Variants in BBX observed in about 807,000 individuals in gnomAD.
BBX encodes HMG box transcription factor BBX.
A neutral mutation model predicts 100.2 loss-of-function variants in BBX; 30 were observed. The ratio of observed to expected loss-of-function variants is 0.30; its 90% CI spans 0.22 to 0.41. The LOEUF is 0.41. Among genes scored for constraint, BBX ranks in the 10% least tolerant of loss-of-function variants. The pLI is 1.00. For synonymous variants in BBX, 376 were observed against 388.1 expected (o/e 0.97, Z 0.37); for missense variants, 1,023 against 1,129.8 (o/e 0.91, Z 1.35).
At chr3:107,622,833 C>T (rs1337198109) in intron 2 of BBX, among the ~76,000 whole-genome samples, 1 of 152,190 alleles carries the variant, frequency 6.6e-6, no homozygotes, top group East Asian at 1.9e-4. Flanking sequence ...TCAGTCAACT[C>T]AGTTAATTTC....
At chr3:107,641,036 C>A (rs566099130) in intron 2 of BBX, among the ~76,000 whole-genome samples, 95 of 151,830 alleles carry the variant, frequency 6.3e-4, no homozygotes, top group Middle Eastern at 3.4e-3. Flanking sequence ...ACATCATTTG[C>A]CTTGCTATTC....
chr3:107,754,791 A>G (rs1405185180), intron 9 of BBX, among the ~76,000 whole-genome samples: 1 of 152,256 alleles, frequency 6.6e-6, no homozygotes, highest in Non-Finnish European at 1.5e-5. Flanking sequence ...TAACAATGAC[A>G]GAACTTCAGG....
intron 2 of BBX, among the ~76,000 whole-genome samples, chr3:107,556,831 A>G (rs934211959): frequency 6.6e-6 from 1 of 152,076 alleles, no homozygotes; most frequent in African/African-American, 2.4e-5. Flanking sequence ...TACTTCATGC[A>G]TTTTTCTACT....
At position 107,625,405 on chromosome 3, in the gene BBX, G is replaced by GT. The variant is rs372072890; in HGVS notation, c.-83-20430dup. Among the ~76,000 whole-genome samples, 158 of 152,278 alleles carry GT rather than the reference G, an allele frequency of 1.0e-3. 1 individual carries two copies. Among genetic ancestry groups the GT allele is most frequent in the African/African-American group, 3.7e-3 (152 of 41,556 alleles). ...CGATTCTCTTGCCTCAGCCACCTGA[G>GT]TAGCTGGCATTACAGGCATGCGCCA... On this transcript the variant is annotated intron_variant, in intron 2 of 17. Coordinates refer to ENST00000325805, the MANE Select transcript of BBX (RefSeq NM_001142568.3).
intron 17 of BBX, among the ~76,000 whole-genome samples, chr3:107,803,976 A>G (rs1218985379): frequency 7.3e-6 from 1 of 136,400 alleles, no homozygotes; most frequent in African/African-American, 2.7e-5. Flanking sequence ...CTTTTCTAAT[A>G]CTTATTAAAA....
chr3:107,777,249 G>T (rs920120708), intron 12 of BBX, among the ~76,000 whole-genome samples: 1 of 152,106 alleles, frequency 6.6e-6, no homozygotes, highest in African/African-American at 2.4e-5. Context: ...TCTACTGGGG[G>T]ACTTGGAGTA....
chr3:107,549,023 A>G (rs77351050), intron 2 of BBX, among the ~76,000 whole-genome samples: 7,554 of 152,260 alleles, frequency 0.05, 297 homozygotes, highest in Non-Finnish European at 0.062. Flanking sequence ...CATGGGCTGA[A>G]AAACTAACCA....
At chr3:107,611,177 A>T (rs913089462) in intron 2 of BBX, among the ~76,000 whole-genome samples, 1 of 152,088 alleles carries the variant, frequency 6.6e-6, no homozygotes, top group Non-Finnish European at 1.5e-5. Context: ...TGCTTTTTGT[A>T]TTTATATCTT....
chr3:107,795,321 A>G (rs914627292), intron 15 of BBX, among the ~76,000 whole-genome samples: 1 of 152,052 alleles, frequency 6.6e-6, no homozygotes, highest in East Asian at 1.9e-4. Context: ...TGCCTTCCCT[A>G]ATTCTTCTGT....
chr3:107,728,690 A>T, intron 5 of BBX, 75 bp from the exon 6 acceptor site: 1 of 1,319,374 alleles, frequency 7.6e-7, no homozygotes. Flanking sequence ...TAAATAGGGG[A>T]ATGGGGTGAC....
chr3:107,692,705 A>G (rs1341594554), intron 3 of BBX, among the ~76,000 whole-genome samples: 2 of 150,150 alleles, frequency 1.3e-5, no homozygotes, highest in East Asian at 2.1e-4. Flanking sequence ...TCCTTTGGGT[A>G]TATACCCAGT....
intron 3 of BBX, among the ~76,000 whole-genome samples, chr3:107,695,950 A>ATGGCCT (rs1476027593): frequency 6.6e-6 from 1 of 151,858 alleles, no homozygotes; most frequent in African/African-American, 2.4e-5. Flanking sequence ...CCATTAAGTA[A>ATGGCCT]TGGCCTTCTT....
chr3:107,657,165 T>G (rs2058193648), intron 3 of BBX: 1 of 152,184 alleles, frequency 6.6e-6, no homozygotes, highest in Admixed American at 6.5e-5. Flanking sequence ...GCTTTACTAT[T>G]ATCCTAGGTA....
intron 3 of BBX, among the ~76,000 whole-genome samples, chr3:107,700,485 C>T (rs902244134): frequency 1.3e-5 from 2 of 149,330 alleles, no homozygotes; most frequent in Non-Finnish European, 3.0e-5. Context: ...ATGTGCACAA[C>T]GTCCAGGTTT....
At chr3:107,633,302 T>C (rs1416949874) in intron 2 of BBX, among the ~76,000 whole-genome samples, 2 of 152,098 alleles carry the variant, frequency 1.3e-5, no homozygotes, top group Non-Finnish European at 2.9e-5. Flanking sequence ...ATATAATAGT[T>C]GAATTATATT....
intron 2 of BBX, among the ~76,000 whole-genome samples, chr3:107,570,796 T>C (rs1471573132): frequency 6.6e-6 from 1 of 151,784 alleles, no homozygotes; most frequent in Non-Finnish European, 1.5e-5. Flanking sequence ...CTCAAGAGTT[T>C]GGGGTGGAGA....
chr3:107,787,221 T>A (rs2068521345), intron 13 of BBX, among the ~76,000 whole-genome samples: 2 of 152,142 alleles, frequency 1.3e-5, no homozygotes. Flanking sequence ...GGTCTTGATC[T>A]CTTGATGTCG....
intron 17 of BBX, among the ~76,000 whole-genome samples, chr3:107,804,270 T>A (rs546512962): frequency 6.6e-6 from 1 of 152,350 alleles, no homozygotes; most frequent in East Asian, 1.9e-4. Context: ...ATAGAGCAGG[T>A]ACAAGCTAAA....
At chr3:107,765,178 C>T (rs2066282111) in intron 10 of BBX, among the ~76,000 whole-genome samples, 1 of 152,144 alleles carries the variant, frequency 6.6e-6, no homozygotes, top group Non-Finnish European at 1.5e-5. Context: ...GTATTTATTC[C>T]ATATGGCATA....
Sources: gnomAD v4.1 joint callset for allele counts (sites outside exome capture counted in the v4.1 genomes callset) on GRCh38, gnomAD v4.1.1 for gene constraint, MANE v1.5 for transcripts, NCBI Gene and HGNC (gene_info 2026-07-23, HGNC 2026-07-21) for gene names.